The following RAD51B variants were observed in gnomAD, a reference collection of about 807,000 sequenced individuals.
RAD51B encodes DNA repair protein RAD51 homolog 2.
Under a neutral mutation model 42.2 loss-of-function variants are expected in RAD51B, and 38 were observed. The observed-to-expected ratio is 0.90, with a 90% CI of 0.70 to 1.18. RAD51B has a LOEUF of 1.18. Ranked by LOEUF, RAD51B falls within the 50% of genes most tolerant of loss-of-function variation. RAD51B has a pLI of 0.00. For missense variants in RAD51B, 373 were observed against 400.7 expected (o/e 0.93, Z 0.59); for synonymous variants, 154 against 145.2 (o/e 1.06, Z -0.43).
At chr14:68,469,360 C>G (rs748608654) in intron 10 of RAD51B, among the ~76,000 whole-genome samples, 2 of 152,196 alleles carry the variant, frequency 1.3e-5, no homozygotes, top group Non-Finnish European at 2.9e-5. Context: ...CTTTCCTTCC[C>G]CTTCTAAAAT....
chr14:67,902,615 G>C (rs1595084084), intron 7 of RAD51B, among the ~76,000 whole-genome samples: 1 of 152,296 alleles, frequency 6.6e-6, no homozygotes, highest in East Asian at 1.9e-4. Flanking sequence ...TAAAAATCAT[G>C]AGTGGTTAGT....
At chr14:68,155,091 A>G (rs542170118) in intron 7 of RAD51B, among the ~76,000 whole-genome samples, 73 of 152,304 alleles carry the variant, frequency 4.8e-4, no homozygotes, top group Non-Finnish European at 5.3e-4. Flanking sequence ...TTGGGGGGAA[A>G]GACATGTACA....
intron 10 of RAD51B, among the ~76,000 whole-genome samples, chr14:68,547,192 G>T (rs1888281919): frequency 6.6e-6 from 1 of 152,192 alleles, no homozygotes. Flanking sequence ...GGTGGCTTCT[G>T]GCTCTAAATC....
intron 8 of RAD51B, among the ~76,000 whole-genome samples, chr14:68,396,216 G>A (rs545782599): frequency 4.6e-5 from 7 of 152,318 alleles, no homozygotes; most frequent in South Asian, 2.1e-4. Flanking sequence ...TCGTATGGTC[G>A]TTGAGACAAT....
intron 7 of RAD51B, among the ~76,000 whole-genome samples, chr14:68,090,278 G>T (rs2077068523): frequency 6.6e-6 from 1 of 152,082 alleles, no homozygotes; most frequent in African/African-American, 2.4e-5. Context: ...AAGCAACAGG[G>T]CAAATAAAAA....
intron 7 of RAD51B, among the ~76,000 whole-genome samples, chr14:68,196,459 C>A (rs2079376183): frequency 1.3e-5 from 2 of 152,076 alleles, no homozygotes; most frequent in South Asian, 4.2e-4. Context: ...CTCACTCTTT[C>A]CTACTTCTCC....
intron 7 of RAD51B, among the ~76,000 whole-genome samples, chr14:67,954,954 A>G (rs957231369): frequency 1.1e-4 from 17 of 152,210 alleles, no homozygotes; most frequent in African/African-American, 4.1e-4. Context: ...CAGAGGAGTA[A>G]GAGGACAGGA....
intron 10 of RAD51B, among the ~76,000 whole-genome samples, chr14:68,543,881 A>G (rs1888090885): frequency 6.6e-6 from 1 of 152,164 alleles, no homozygotes; most frequent in African/African-American, 2.4e-5. Context: ...CTAATCTAGG[A>G]CTCTTTTTGT....
intron 10 of RAD51B, among the ~76,000 whole-genome samples, chr14:68,556,225 C>G (rs780409653): frequency 6.6e-6 from 1 of 152,198 alleles, no homozygotes; most frequent in Non-Finnish European, 1.5e-5. Context: ...AGTCAGGCAA[C>G]GGGGACAGAC....
chr14:68,029,872 G>A (rs2076014486), intron 7 of RAD51B, among the ~76,000 whole-genome samples: 1 of 152,150 alleles, frequency 6.6e-6, no homozygotes, highest in African/African-American at 2.4e-5. Flanking sequence ...ATTAATCCTC[G>A]ATCTATGGGC....
In RAD51B at chr14:67,846,362, C is replaced by T. The variant is rs572735655; in HGVS notation, c.315+11166C>T. On this transcript the variant is annotated intron_variant, in intron 4 of 10. Coordinates refer to ENST00000471583, the MANE Select transcript of RAD51B (RefSeq NM_133510.4). ...CGCGTTTGCAGTGGCAATGGCCACG[C>T]AGTGGTGGGGTTACACTCTACACCA... Among the ~76,000 whole-genome samples the T allele has an allele frequency of 3.9e-5, 6 of 152,202 alleles. No individual in the cohort carries two copies. In the East Asian group the frequency reaches 9.7e-4, roughly 25 times the overall value.
rs775260559 is a variant in RAD51B, at chr14:67,885,859, T to C, written c.453-10T>C. On this transcript the variant is annotated splice_polypyrimidine_tract_variant and intron_variant, in intron 5 of 10. Coordinates refer to ENST00000471583, the MANE Select transcript of RAD51B (RefSeq NM_133510.4). ...ACTGTTTTCGTTTGTGCTATTTTTT[T>C]CACCCACAGACTGGTTGAAATAGCA... 24 of 1,580,538 alleles carry C rather than the reference T, an allele frequency of 1.5e-5. No homozygotes were observed. The highest frequency in any genetic ancestry group is 2.1e-5 in the Non-Finnish European group (24 of 1,161,794).
chr14:68,177,637 G>GA (rs143646690), intron 7 of RAD51B, among the ~76,000 whole-genome samples: 3,823 of 151,608 alleles, frequency 0.025, 130 homozygotes, highest in African/African-American at 0.074. Flanking sequence ...GAGAGAAAGG[G>GA]AAAAATGAAA....
chr14:68,352,355 T>C (rs966304453), intron 8 of RAD51B, among the ~76,000 whole-genome samples: 1 of 152,204 alleles, frequency 6.6e-6, no homozygotes, highest in African/African-American at 2.4e-5. Context: ...TATGGACACA[T>C]TCTGAAAGCC....
At chr14:68,166,291 ATAAAAGG>A (rs902694386) in intron 7 of RAD51B, among the ~76,000 whole-genome samples, 9 of 151,992 alleles carry the variant, frequency 5.9e-5, no homozygotes, top group Non-Finnish European at 1.2e-4. Flanking sequence ...AGTCCGAAGC[ATAAAAGG>A]TGCTGTAACC....
chr14:67,940,368 G>A (rs958888859), intron 7 of RAD51B, among the ~76,000 whole-genome samples: 11 of 151,908 alleles, frequency 7.2e-5, no homozygotes, highest in South Asian at 2.1e-4. Context: ...GTGAGCCACC[G>A]CACCCAGCCT....
chr14:67,893,512 A>AC, intron 7 of RAD51B, among the ~76,000 whole-genome samples: 1 of 60,306 alleles, frequency 1.7e-5, no homozygotes, highest in South Asian at 7.0e-4. Flanking sequence ...ACACACACAA[A>AC]AAAAAACAAT....
At chr14:68,161,326 A>C (rs1566693619) in intron 7 of RAD51B, among the ~76,000 whole-genome samples, 1 of 152,174 alleles carries the variant, frequency 6.6e-6, no homozygotes, top group Non-Finnish European at 1.5e-5. Flanking sequence ...GTGTAGTAGC[A>C]CCAGGTGTAT....
intron 8 of RAD51B, among the ~76,000 whole-genome samples, chr14:68,354,216 G>GTTTTTT (rs3075406): frequency 9.1e-5 from 10 of 110,466 alleles, no homozygotes; most frequent in African/African-American, 1.3e-4. Flanking sequence ...TGGTTTTTTG[G>GTTTTTT]TTTTTTTTTT....
Sources: gnomAD v4.1 joint callset for allele counts (sites outside exome capture counted in the v4.1 genomes callset) on GRCh38, gnomAD v4.1.1 for gene constraint, MANE v1.5 for transcripts, NCBI Gene and HGNC (gene_info 2026-07-23, HGNC 2026-07-21) for gene names.